Variants in HMCN1 observed in about 807,000 individuals in gnomAD.
HMCN1 encodes hemicentin-1.
In HMCN1, 321 loss-of-function variants were observed where a neutral mutation model predicts 625.9. The ratio of observed to expected loss-of-function variants is 0.51; its 90% CI spans 0.47 to 0.56. The LOEUF is 0.56. Ranked by LOEUF, HMCN1 falls within the 20% of genes least tolerant of loss-of-function variation. The probability of loss-of-function intolerance (pLI) is 0.00; values close to 1 mark genes in which losing one functional copy is unlikely to be tolerated. For synonymous variants in HMCN1, 2,425 were observed against 2,417.6 expected (o/e 1.00, Z -0.09); for missense variants, 6,588 against 6,887.3 (o/e 0.96, Z 1.54).
chr1:185,895,832 GC>G, intron 4 of HMCN1, among the ~76,000 whole-genome samples: 1 of 152,290 alleles, frequency 6.6e-6, no homozygotes, highest in Middle Eastern at 3.4e-3. Flanking sequence ...GTTAGGATTT[GC>G]CCTTTCCTTG....
chr1:185,998,083 T>G (rs1652930964), intron 25 of HMCN1, among the ~76,000 whole-genome samples: 1 of 152,116 alleles, frequency 6.6e-6, no homozygotes, highest in Non-Finnish European at 1.5e-5. Context: ...AGATTGATAT[T>G]ATTTCTCCTC....
At chr1:186,135,363 C>T (rs1649531150) in intron 86 of HMCN1, among the ~76,000 whole-genome samples, 2 of 152,096 alleles carry the variant, frequency 1.3e-5, no homozygotes, top group African/African-American at 4.8e-5. Flanking sequence ...TGTCTTCTGT[C>T]CATCTCTTAA....
chr1:185,822,104 A>T (rs1189165975), intron 1 of HMCN1, among the ~76,000 whole-genome samples: 1 of 152,022 alleles, frequency 6.6e-6, no homozygotes, highest in Non-Finnish European at 1.5e-5. Context: ...CAGTGAAATT[A>T]CTCCATGTGG....
At chr1:186,092,717 C>T (rs1043418779) in intron 64 of HMCN1, among the ~76,000 whole-genome samples, 2 of 151,768 alleles carry the variant, frequency 1.3e-5, no homozygotes, top group African/African-American at 4.8e-5. Context: ...TTTAAATGAT[C>T]CTATTGTGTT....
At chr1:185,768,552 C>T (rs567925912) in intron 1 of HMCN1, among the ~76,000 whole-genome samples, 8 of 152,312 alleles carry the variant, frequency 5.3e-5, no homozygotes, top group East Asian at 3.9e-4. Context: ...TAAACAAATA[C>T]ACTTAAGGAA....
At chr1:186,095,686 G>A (rs973669229) in intron 68 of HMCN1, among the ~76,000 whole-genome samples, 165 bp downstream of exon 68, 1 of 152,026 alleles carries the variant, frequency 6.6e-6, no homozygotes, top group African/African-American at 2.4e-5. Flanking sequence ...ACTCTCATCT[G>A]AAGCATGTTG....
In HMCN1 at chr1:186,087,441, A is replaced by G; in HGVS notation, c.9161-2A>G. The G allele has an allele frequency of 6.2e-7, 1 of 1,612,898 alleles. No homozygotes were observed. Among genetic ancestry groups the G allele is most frequent in the East Asian group, 2.2e-5 (1 of 44,852 alleles). On this transcript the variant is annotated splice_acceptor_variant, in intron 59 of 106. Transcript: ENST00000271588. LOFTEE classifies it high-confidence loss of function. ...AATCCTTCTGTTATTTTCTTCCCTC[A>G]GTGCCCCCAAGCATTAAAGACCATG...
intron 102 of HMCN1, among the ~76,000 whole-genome samples, chr1:186,173,857 G>A (rs535943817): frequency 1.3e-5 from 2 of 152,228 alleles, no homozygotes; most frequent in South Asian, 4.1e-4. Context: ...GGTTTTGATT[G>A]AAGGAAATAG....
At chr1:185,981,165 A>C (rs1355389877) in intron 17 of HMCN1, 92 bp downstream of exon 17, 3 of 812,696 alleles carry the variant, frequency 3.7e-6, no homozygotes, top group Non-Finnish European at 6.5e-6. Context: ...CTTAAAAAAA[A>C]ACAAAAGATA....
chr1:185,789,598 G>A (rs910047767), intron 1 of HMCN1, among the ~76,000 whole-genome samples: 3 of 152,092 alleles, frequency 2.0e-5, no homozygotes, highest in African/African-American at 4.8e-5. Context: ...ACAGATTGTG[G>A]TAACAACCTG....
At chr1:186,052,523 G>T (rs1308035341) in intron 42 of HMCN1, among the ~76,000 whole-genome samples, 1 of 152,000 alleles carries the variant, frequency 6.6e-6, no homozygotes, top group Non-Finnish European at 1.5e-5. Context: ...AGTATATGTT[G>T]TATGCCTTAT....
At chr1:186,008,159 G>A (rs1358273555) in intron 30 of HMCN1, among the ~76,000 whole-genome samples, 1 of 152,114 alleles carries the variant, frequency 6.6e-6, no homozygotes, top group Non-Finnish European at 1.5e-5. Context: ...CTTGATAAGA[G>A]TAGGCTTTTG....
intron 81 of HMCN1, 45 bp from the exon 82 acceptor site, chr1:186,125,559 A>C: frequency 1.4e-6 from 2 of 1,438,394 alleles, no homozygotes; most frequent in Non-Finnish European, 2.0e-6. Context: ...TAAAGACATT[A>C]TTGAACTCAG....
Position 186,065,434 on chromosome 1 carries a change from G to A in HMCN1, c.7705+5G>A, listed in dbSNP as rs774482760. On this transcript the variant is annotated splice_donor_5th_base_variant and intron_variant, in intron 49 of 106. Coordinates refer to ENST00000271588, the MANE Select transcript of HMCN1 (RefSeq NM_031935.3). Reference sequence around the variant, plus strand: ...GCTTCAGTCTTAATGTATTTGGTAGGTGTGGGCTTTTCTTCATATCTTAAA... The same window carrying A: ...GCTTCAGTCTTAATGTATTTGGTAGATGTGGGCTTTTCTTCATATCTTAAA... 3 of 1,576,710 alleles carry A rather than the reference G, an allele frequency of 1.9e-6. No individual in the cohort carries two copies. Among genetic ancestry groups the A allele is most frequent in the Non-Finnish European group, 2.6e-6 (3 of 1,168,852 alleles).
intron 68 of HMCN1, among the ~76,000 whole-genome samples, chr1:186,098,511 A>T (rs1002973651): frequency 1.1e-4 from 17 of 152,162 alleles, no homozygotes; most frequent in Admixed American, 1.0e-3. Flanking sequence ...TCTAGTGAGG[A>T]TGGGTATGAC....
chr1:185,824,558 C>T (rs569005076), intron 1 of HMCN1, among the ~76,000 whole-genome samples: 4 of 152,190 alleles, frequency 2.6e-5, no homozygotes, highest in South Asian at 4.1e-4. Flanking sequence ...GTTAGATTAT[C>T]GGGGAGAATG....
intron 50 of HMCN1, among the ~76,000 whole-genome samples, chr1:186,068,541 G>A (rs1224527573): frequency 6.6e-6 from 1 of 152,044 alleles, no homozygotes; most frequent in East Asian, 1.9e-4. Context: ...ATAGTCAGGG[G>A]GTATGATAAA....
chr1:185,764,494 T>C (rs564867950), intron 1 of HMCN1, among the ~76,000 whole-genome samples: 9 of 152,194 alleles, frequency 5.9e-5, no homozygotes, highest in African/African-American at 2.2e-4. Context: ...CTCCTCAAGA[T>C]TGTAGCATGG....
intron 54 of HMCN1, 54 bp downstream of exon 54, chr1:186,076,676 C>T: frequency 1.3e-6 from 2 of 1,540,732 alleles, no homozygotes; most frequent in South Asian, 2.2e-5. Flanking sequence ...AATGTGTTTC[C>T]TCTCATGTAT....
Sources: gnomAD v4.1 joint callset for allele counts (sites outside exome capture counted in the v4.1 genomes callset) on GRCh38, gnomAD v4.1.1 for gene constraint, MANE v1.5 for transcripts, NCBI Gene and HGNC (gene_info 2026-07-23, HGNC 2026-07-21) for gene names.